Variants in WDR70 observed in about 807,000 individuals in gnomAD.
WDR70 encodes WD repeat domain 70.
Under a neutral mutation model 88.6 loss-of-function variants are expected in WDR70, and 53 were observed. The ratio of observed to expected loss-of-function variants is 0.60; its 90% CI spans 0.48 to 0.75. The LOEUF is 0.75. Among genes scored for constraint, WDR70 ranks in the 30% least tolerant of loss-of-function variants. The pLI, the probability that WDR70 is intolerant of heterozygous loss-of-function variation, is 0.00. For synonymous variants in WDR70, 280 were observed against 270.0 expected (o/e 1.04, Z -0.36); for missense variants, 610 against 823.2 (o/e 0.74, Z 3.17).
At chr5:37,397,483 A>AG (rs933485595) in intron 5 of WDR70, among the ~76,000 whole-genome samples, 1 of 152,172 alleles carries the variant, frequency 6.6e-6, no homozygotes, top group Non-Finnish European at 1.5e-5. Context: ...AAAAAAAAAA[A>AG]AAATCTATGT....
At chr5:37,579,336 A>G (rs1156381250) in intron 9 of WDR70, among the ~76,000 whole-genome samples, 1 of 152,188 alleles carries the variant, frequency 6.6e-6, no homozygotes, top group Non-Finnish European at 1.5e-5. Flanking sequence ...CTGTAATCCC[A>G]GCACTTTGAG....
At chr5:37,569,676 G>A (rs754358288) in intron 9 of WDR70, among the ~76,000 whole-genome samples, 53 of 152,142 alleles carry the variant, frequency 3.5e-4, no homozygotes, top group Non-Finnish European at 5.9e-4. Context: ...ATATGCATAG[G>A]CACCTTGCCT....
intron 7 of WDR70, among the ~76,000 whole-genome samples, chr5:37,467,669 T>A (rs1739198514): frequency 6.6e-6 from 1 of 151,874 alleles, no homozygotes; most frequent in South Asian, 2.1e-4. Flanking sequence ...CCTCAGTAGC[T>A]GGGACTAAGG....
At chr5:37,651,109 C>T (rs1196675105) in intron 10 of WDR70, among the ~76,000 whole-genome samples, 1 of 152,116 alleles carries the variant, frequency 6.6e-6, no homozygotes, top group East Asian at 1.9e-4. Context: ...CTATCCCTCC[C>T]CTAGCCCTCC....
chr5:37,605,351 G>T, intron 10 of WDR70, 113 bp downstream of exon 10: 1 of 1,190,322 alleles, frequency 8.4e-7, no homozygotes, highest in Non-Finnish European at 1.1e-6. Context: ...CCTGAATTTA[G>T]ACCTAATTTA....
chr5:37,507,869 T>C (rs1320625471), intron 8 of WDR70, among the ~76,000 whole-genome samples: 1 of 152,206 alleles, frequency 6.6e-6, no homozygotes, highest in East Asian at 1.9e-4. Flanking sequence ...TGAATGTTGT[T>C]TTTTTATAGA....
intron 7 of WDR70, 40 bp downstream of exon 7, chr5:37,443,412 A>G (rs1394242736): frequency 6.2e-7 from 1 of 1,608,662 alleles, no homozygotes; most frequent in Non-Finnish European, 8.5e-7. Flanking sequence ...ATTTGACCTA[A>G]TGTCTTCACA....
chr5:37,414,784 C>CTTT (rs11339547), intron 5 of WDR70, among the ~76,000 whole-genome samples: 1 of 147,008 alleles, frequency 6.8e-6, no homozygotes, highest in African/African-American at 2.5e-5. Flanking sequence ...CACAATTATT[C>CTTT]TTTTTTTTTT....
chr5:37,730,139 A>G (rs1748102711), intron 17 of WDR70, among the ~76,000 whole-genome samples: 1 of 152,314 alleles, frequency 6.6e-6, no homozygotes, highest in East Asian at 1.9e-4. Flanking sequence ...CGTTTTTAAT[A>G]TACAAATACT....
chr5:37,389,503 C>T (rs1423029179), intron 3 of WDR70, among the ~76,000 whole-genome samples: 5 of 152,032 alleles, frequency 3.3e-5, no homozygotes, highest in East Asian at 1.9e-4. Context: ...CTCTGCCTCC[C>T]GGGTTCACAC....
At chr5:37,496,618 C>T (rs57063269) in intron 8 of WDR70, among the ~76,000 whole-genome samples, 1 of 152,256 alleles carries the variant, frequency 6.6e-6, no homozygotes, top group East Asian at 1.9e-4. Context: ...AAAAAGTATC[C>T]TTTCTATTTC....
At chr5:37,588,103 G>C (rs1001961369) in intron 9 of WDR70, among the ~76,000 whole-genome samples, 6 of 151,406 alleles carry the variant, frequency 4.0e-5, no homozygotes. Flanking sequence ...TTAAGAATAG[G>C]GTAGTATTAA....
intron 8 of WDR70, among the ~76,000 whole-genome samples, chr5:37,488,347 GTTAGAC>G (rs1017105912): frequency 2.0e-5 from 3 of 151,784 alleles, no homozygotes; most frequent in African/African-American, 7.3e-5. Context: ...TAAGTCTCCT[GTTAGAC>G]TTGAAAAGTT....
At chr5:37,483,556 C>T (rs967783346) in intron 8 of WDR70, among the ~76,000 whole-genome samples, 10 of 152,354 alleles carry the variant, frequency 6.6e-5, no homozygotes, top group Non-Finnish European at 1.0e-4. Context: ...CACCTTTCCC[C>T]CTTTTCTATT....
chr5:37,455,653 T>TTTTTTTTC (rs1738814333), intron 7 of WDR70, among the ~76,000 whole-genome samples: 1 of 142,672 alleles, frequency 7.0e-6, no homozygotes, highest in African/African-American at 2.5e-5. Context: ...TTTTTTTTTT[T>TTTTTTTTC]TTGCCACAAT....
chr5:37,693,613 C>A (rs745784645), intron 10 of WDR70, among the ~76,000 whole-genome samples: 2 of 152,154 alleles, frequency 1.3e-5, no homozygotes, highest in Admixed American at 6.5e-5. Flanking sequence ...GGAAAAGATT[C>A]CCTATTTAAT....
chr5:37,512,220 A>T (rs926673120), intron 8 of WDR70, among the ~76,000 whole-genome samples: 1 of 151,728 alleles, frequency 6.6e-6, no homozygotes, highest in Non-Finnish European at 1.5e-5. Context: ...TTTCTTCTTT[A>T]AAAAAAATTT....
At chr5:37,476,784 G>A (rs1290104829) in intron 7 of WDR70, among the ~76,000 whole-genome samples, 1 of 152,038 alleles carries the variant, frequency 6.6e-6, no homozygotes, top group Non-Finnish European at 1.5e-5. Flanking sequence ...TCTCAACCTC[G>A]TGATCCACCT....
At chr5:37,446,591 G>T (rs924921574) in intron 7 of WDR70, among the ~76,000 whole-genome samples, 2 of 152,086 alleles carry the variant, frequency 1.3e-5, no homozygotes, top group African/African-American at 4.8e-5. Flanking sequence ...CCAAAACAGA[G>T]ATATAGACCA....
Sources: allele counts gnomAD v4.1 joint callset (sites outside exome capture counted in the v4.1 genomes callset), GRCh38; gene constraint gnomAD v4.1.1; transcripts MANE v1.5; gene names NCBI Gene and HGNC (gene_info 2026-07-23, HGNC 2026-07-21).